The following CYP19A1 variants were observed in gnomAD, a reference collection of about 807,000 sequenced individuals.
CYP19A1 encodes the protein aromatase.
Under a neutral mutation model 44.4 loss-of-function variants are expected in CYP19A1, and 32 were observed. The observed-to-expected ratio is 0.72, with a 90% CI of 0.54 to 0.97. The LOEUF (loss-of-function observed/expected upper bound fraction) is 0.97, where lower values mean the gene tolerates loss of function less well. CYP19A1 is among the 50% of genes least tolerant of loss of function. The probability of loss-of-function intolerance (pLI) is 0.00; values close to 1 mark genes in which losing one functional copy is unlikely to be tolerated. For synonymous variants in CYP19A1, 212 were observed against 215.6 expected (o/e 0.98, Z 0.14); for missense variants, 598 against 637.8 (o/e 0.94, Z 0.67).
At chr15:51,250,792 C>T (rs762070030) in intron 1 of CYP19A1, among the ~76,000 whole-genome samples, 7 of 138,402 alleles carry the variant, frequency 5.1e-5, no homozygotes, top group African/African-American at 2.0e-4. Flanking sequence ...GTTCCAGGAA[C>T]AGCAGTCATT....
At chr15:51,325,847 A>G (rs1056089330) in intron 1 of CYP19A1, among the ~76,000 whole-genome samples, 3 of 150,786 alleles carry the variant, frequency 2.0e-5, no homozygotes, top group African/African-American at 7.3e-5. Context: ...AAAAAAAAAA[A>G]AAAAAAAAAA....
chr15:51,308,676 G>A (rs34495504), intron 1 of CYP19A1, among the ~76,000 whole-genome samples: 8 of 152,252 alleles, frequency 5.3e-5, no homozygotes, highest in South Asian at 2.1e-4. Flanking sequence ...CTTAGAGGCC[G>A]GCGCAGTAGG....
intron 5 of CYP19A1, among the ~76,000 whole-genome samples, chr15:51,220,066 T>C (rs1022285270): frequency 3.3e-5 from 5 of 152,178 alleles, no homozygotes; most frequent in African/African-American, 1.2e-4. Context: ...CCAAGTGTAG[T>C]ATACCAGGTA....
intron 1 of CYP19A1, chr15:51,319,091 C>G (rs375507543): frequency 2.0e-5 from 3 of 152,358 alleles, no homozygotes; most frequent in East Asian, 1.9e-4. Flanking sequence ...TCAGCCCACA[C>G]TATTCCTGTC....
intron 1 of CYP19A1, among the ~76,000 whole-genome samples, chr15:51,284,965 T>G (rs1566911698): frequency 6.6e-6 from 1 of 152,210 alleles, no homozygotes; most frequent in Non-Finnish European, 1.5e-5. Context: ...TTGCTTTCTC[T>G]GTGCCTTCTA....
At chr15:51,261,447 T>C (rs1195252940) in intron 1 of CYP19A1, among the ~76,000 whole-genome samples, 1 of 152,220 alleles carries the variant, frequency 6.6e-6, no homozygotes, top group East Asian at 1.9e-4. Flanking sequence ...ATGGGTATTA[T>C]TAACACGACC....
intron 1 of CYP19A1, among the ~76,000 whole-genome samples, chr15:51,301,662 C>G (rs1413078979): frequency 6.6e-6 from 1 of 151,314 alleles, no homozygotes; most frequent in East Asian, 1.9e-4. Flanking sequence ...CTTTGATTGA[C>G]TAGACCTGAT....
chr15:51,275,075 G>A (rs2035258580), intron 1 of CYP19A1, among the ~76,000 whole-genome samples: 1 of 152,196 alleles, frequency 6.6e-6, no homozygotes, highest in African/African-American at 2.4e-5. Flanking sequence ...CTCTGCTTGT[G>A]CAGTCCCTAA....
intron 1 of CYP19A1, among the ~76,000 whole-genome samples, chr15:51,296,130 G>C (rs537802461): frequency 9.9e-5 from 15 of 152,014 alleles, no homozygotes; most frequent in Admixed American, 8.5e-4. Flanking sequence ...GCATGAAGGG[G>C]AATAGGCAGG....
At position 51,290,609 on chromosome 15, in the gene CYP19A1, G is replaced by A. The variant is rs148592713; in HGVS notation, c.-38-47659C>T. Among the ~76,000 whole-genome samples the A allele has an allele frequency of 2.4e-3, 362 of 152,262 alleles. 2 individuals are homozygous for A. The highest frequency in any genetic ancestry group is 3.3e-3 in the Non-Finnish European group (225 of 68,026). ...TTTGTATGGAAAGGGGTAAGTGTAG[G>A]GAGGTGTGTCAAATCAATTAAGCAA... On this transcript the variant is annotated intron_variant, in intron 1 of 9. Transcript: ENST00000396402.
intron 1 of CYP19A1, among the ~76,000 whole-genome samples, chr15:51,292,590 C>A (rs1229292109): frequency 6.6e-6 from 1 of 152,240 alleles, no homozygotes; most frequent in African/African-American, 2.4e-5. Flanking sequence ...GGGAAGGCAG[C>A]TGTCTGGGGA....
At chr15:51,225,284 C>T (rs1183382175) in intron 4 of CYP19A1, among the ~76,000 whole-genome samples, 3 of 152,200 alleles carry the variant, frequency 2.0e-5, no homozygotes, top group African/African-American at 7.2e-5. Flanking sequence ...TTTTAATTAG[C>T]TCTTGCATGT....
At chr15:51,243,608 C>T (rs141382390) in intron 1 of CYP19A1, among the ~76,000 whole-genome samples, 25 of 151,974 alleles carry the variant, frequency 1.6e-4, no homozygotes, top group Middle Eastern at 3.4e-3. Flanking sequence ...CCCTAGGGAC[C>T]GGCCAACGGT....
At chr15:51,269,292 T>C (rs2035040838) in intron 1 of CYP19A1, among the ~76,000 whole-genome samples, 1 of 152,178 alleles carries the variant, frequency 6.6e-6, no homozygotes. Flanking sequence ...CCCCCTCAAA[T>C]TGAATTGTCT....
chr15:51,245,205 T>G lies in CYP19A1; in HGVS notation c.-38-2255A>C, dbSNP rs1037182290. Among the ~76,000 whole-genome samples the G allele has an allele frequency of 7.9e-5, 12 of 152,244 alleles. 1 individual carries two copies. The highest frequency in any genetic ancestry group is 2.7e-4 in the African/African-American group (11 of 41,468). Reference sequence around the variant, plus strand: ...CCATACTGCCATGAAAAGTGAGGACTGTTTGTGTGTCTAAAATGTTTAACA... The same window carrying G: ...CCATACTGCCATGAAAAGTGAGGACGGTTTGTGTGTCTAAAATGTTTAACA... On this transcript the variant is annotated intron_variant, in intron 1 of 9. Transcript: ENST00000396402.
intron 1 of CYP19A1, among the ~76,000 whole-genome samples, chr15:51,244,263 T>C (rs1317960626): frequency 6.6e-6 from 1 of 152,254 alleles, no homozygotes; most frequent in Non-Finnish European, 1.5e-5. Flanking sequence ...TATGAGATCT[T>C]AAAGTCCAAA....
intron 1 of CYP19A1, chr15:51,318,546 C>G (rs921399043): frequency 6.6e-6 from 1 of 152,232 alleles, no homozygotes; most frequent in Non-Finnish European, 1.5e-5. Context: ...CCGCCCATGA[C>G]CCCACATGGG....
In CYP19A1 at chr15:51,210,830, G is replaced by C. The variant is rs2030880370; in HGVS notation, c.1490C>G (p.Ser497Ter). The C allele has an allele frequency of 1.3e-6, 2 of 1,595,656 alleles. No individual in the cohort carries two copies. Among genetic ancestry groups the C allele is most frequent in the Non-Finnish European group, 1.7e-6 (2 of 1,163,118 alleles). ...TCTCTAGTGTTCCAGACACCTGTCT[G>C]AGTTTCTTGGGGTAAAGATCATTTC... ...MLEMIFTPRN[S>*]DRCLEH Residue 497 changes from serine (S) to a stop codon, truncating the protein, a stop_gained, in exon 10 of 10, where the codon TCA (serine) becomes TGA (stop). Coordinates refer to ENST00000396402, the MANE Select transcript of CYP19A1 (RefSeq NM_000103.4). LOFTEE classifies it high-confidence loss of function.
At chr15:51,277,082 G>A (rs1281394441) in intron 1 of CYP19A1, 5 of 152,034 alleles carry the variant, frequency 3.3e-5, no homozygotes, top group East Asian at 3.9e-4. Flanking sequence ...AAGAGAGAAA[G>A]TGGTACAAGC....
Sources: gnomAD v4.1 joint callset for allele counts (sites outside exome capture counted in the v4.1 genomes callset) on GRCh38, gnomAD v4.1.1 for gene constraint, MANE v1.5 for transcripts, NCBI Gene and HGNC (gene_info 2026-07-23, HGNC 2026-07-21) for gene names.